The following ZMYM2 variants were observed in gnomAD, a reference collection of about 807,000 sequenced individuals.
ZMYM2 encodes zinc finger MYM-type protein 2.
In ZMYM2, 56 loss-of-function variants were observed where a neutral mutation model predicts 162.8. The ratio of observed to expected loss-of-function variants is 0.34; its 90% confidence interval spans 0.28 to 0.43. The LOEUF is 0.43. Ranked by LOEUF, ZMYM2 falls within the 20% of genes least tolerant of loss-of-function variation. The pLI, the probability that ZMYM2 is intolerant of heterozygous loss-of-function variation, is 1.00. For missense variants in ZMYM2, 1,275 were observed against 1,621.8 expected, an observed-to-expected ratio of 0.79 and a Z score of 3.67; for synonymous variants, 510 against 541.6, an observed-to-expected ratio of 0.94 and a Z score of 0.81.
At chr13:19,907,979 C>T in the ZMYM2 span, among the ~76,000 whole-genome samples, 1 of 151,990 alleles carries the variant, frequency 6.6e-6, no homozygotes, top group African/African-American at 2.4e-5. Flanking sequence ...GGACATTTTG[C>T]AGTATACTTT....
At chr13:19,941,917 A>G in the ZMYM2 span, among the ~76,000 whole-genome samples, 2 of 150,902 alleles carry the variant, frequency 1.3e-5, no homozygotes, top group Non-Finnish European at 3.0e-5. Flanking sequence ...TGGCTAATTT[A>G]TTTATTTTTT....
chr13:19,996,840 T>C (rs1176997316), intron 3 of ZMYM2, among the ~76,000 whole-genome samples: 1 of 152,186 alleles, frequency 6.6e-6, no homozygotes, highest in Non-Finnish European at 1.5e-5. Context: ...TGAGCTATGA[T>C]TGTGCCACTA....
chr13:20,083,011 T>A lies in ZMYM2; in HGVS notation c.3799T>A (p.Leu1267Met). 6.2e-7 allele frequency: 1 copy of A among 1,613,120 alleles called. No individual in the cohort carries two copies. Among genetic ancestry groups the A allele is most frequent in the Non-Finnish European group, 8.5e-7 (1 of 1,179,360 alleles). The change falls in exon 23 of 25, where the codon TTG becomes ATG. Residue 1267 changes from leucine to methionine, a missense_variant. This residue lies in a region of ZMYM2 where 103 missense variants were observed against 192.2 expected (regional missense o/e 0.54). Transcript: ENST00000610343. ...KACLRYQVSS[L>M]CGTDNEDKIT... ...GTGTCTTCGATACCAAGTGTCTTCC[T>A]TGTGTGGAACAGATAATGAAGGTAG...
Position 20,012,604 on chromosome 13 carries a change from G to A in ZMYM2, c.1512+6018G>A, listed in dbSNP as rs577930409. On this transcript the variant is annotated intron_variant, in intron 6 of 24. Coordinates refer to ENST00000610343, the MANE Select transcript of ZMYM2 (RefSeq NM_197968.4). ...ACAGTTTCCTCTAAGAGTTGTATGA[G>A]TTTAGCTCTTAATTAGGTATTTGAT... is the stretch of plus-strand genomic sequence containing the variant. Among the ~76,000 whole-genome samples the A allele has an allele frequency of 1.2e-3, 185 of 152,318 alleles. 1 individual carries two copies. Among genetic ancestry groups the A allele is most frequent in the South Asian group, 5.6e-3 (27 of 4,818 alleles).
At chr13:20,070,070 T>G (rs1956966267) in intron 21 of ZMYM2, among the ~76,000 whole-genome samples, 1 of 152,156 alleles carries the variant, frequency 6.6e-6, no homozygotes, top group Non-Finnish European at 1.5e-5. Context: ...TTTGCTTACT[T>G]AACTTTTTGT....
intron 13 of ZMYM2, among the ~76,000 whole-genome samples, chr13:20,052,034 T>G (rs1955404828): frequency 6.6e-6 from 1 of 152,092 alleles, no homozygotes; most frequent in African/African-American, 2.4e-5. Flanking sequence ...TAAGAATATA[T>G]AATAGTATTT....
intron 2 of ZMYM2, among the ~76,000 whole-genome samples, chr13:19,967,422 A>G (rs1955886748): frequency 2.0e-5 from 3 of 152,198 alleles, no homozygotes; most frequent in South Asian, 2.1e-4. Flanking sequence ...TCATTGTAGC[A>G]TGACATGAGT....
At chr13:19,992,675 T>A (rs1356163336) in intron 2 of ZMYM2, among the ~76,000 whole-genome samples, 2 of 149,904 alleles carry the variant, frequency 1.3e-5, no homozygotes, top group Non-Finnish European at 3.0e-5. Flanking sequence ...TGTCAGATTT[T>A]GATTTTTTTT....
chr13:19,991,367 A>G (rs555842836), intron 2 of ZMYM2, among the ~76,000 whole-genome samples: 1 of 151,810 alleles, frequency 6.6e-6, no homozygotes, highest in Non-Finnish European at 1.5e-5. Flanking sequence ...CAGTCCTCCC[A>G]CCTCAGCCTC....
At chr13:19,896,704 C>T in the ZMYM2 span, among the ~76,000 whole-genome samples, 3 of 141,714 alleles carry the variant, frequency 2.1e-5, no homozygotes, top group African/African-American at 8.0e-5. Context: ...TTGCAGTGAG[C>T]CAAGATTGTG....
intron 12 of ZMYM2, among the ~76,000 whole-genome samples, chr13:20,040,554 C>G (rs1954156512): frequency 6.6e-6 from 1 of 152,016 alleles, no homozygotes; most frequent in Non-Finnish European, 1.5e-5. Context: ...TAAAAAAACA[C>G]TCCTGGATTT....
Position 19,994,047 on chromosome 13 carries a change from TTTATC to T in ZMYM2, c.847+132_847+136del, listed in dbSNP as rs537415805. 5.2e-4 allele frequency: 595 copies of T among 1,147,716 alleles called. 3 individuals carry two copies. The African/African-American group carries it at 8.2e-3, about 16-fold the overall frequency. The allele number at this position is 1,147,716 out of a possible 1,614,324, so 71.1% of individuals were successfully genotyped here. A position where few individuals can be genotyped will look rare whatever the true frequency, so the allele number is the denominator to read the frequency against. On this transcript the variant is annotated intron_variant, in intron 3 of 24. Coordinates refer to ENST00000610343, the MANE Select transcript of ZMYM2 (RefSeq NM_197968.4). ...GTGAAATATGTGAATTATATTGAATTTTATCTTAAGTTTGGTATTTTAATAAGAAT... is the reference window on the plus strand; with the variant it reads ...GTGAAATATGTGAATTATATTGAATTTTAAGTTTGGTATTTTAATAAGAAT...
At chr13:19,974,705 C>G (rs897280797) in intron 2 of ZMYM2, among the ~76,000 whole-genome samples, 2 of 152,042 alleles carry the variant, frequency 1.3e-5, no homozygotes, top group Non-Finnish European at 2.9e-5. Context: ...CTCCTGACCT[C>G]GTGATCCACC....
At chr13:20,069,279 C>T (rs904008275) in intron 21 of ZMYM2, among the ~76,000 whole-genome samples, 1 of 152,104 alleles carries the variant, frequency 6.6e-6, no homozygotes. Flanking sequence ...AACCTTCCCC[C>T]ATTTTTCTCT....
At chr13:19,896,539 A>G in the ZMYM2 span, among the ~76,000 whole-genome samples, 1 of 149,086 alleles carries the variant, frequency 6.7e-6, no homozygotes, top group Non-Finnish European at 1.5e-5. Context: ...GGCAGATCAC[A>G]AGGTCAGGAG....
the ZMYM2 span, among the ~76,000 whole-genome samples, chr13:19,876,865 A>G: frequency 1.3e-5 from 2 of 152,154 alleles, no homozygotes; most frequent in African/African-American, 4.8e-5. Flanking sequence ...TGCTCAAGGT[A>G]CCTTATGTGT....
At chr13:19,917,174 G>A in the ZMYM2 span, among the ~76,000 whole-genome samples, 7 of 152,206 alleles carry the variant, frequency 4.6e-5, no homozygotes, top group East Asian at 7.8e-4. Context: ...GTGTTAGCCA[G>A]GATGGTCTCA....
upstream of ZMYM2, chr13:19,958,571 C>A (rs1954731029): frequency 6.6e-6 from 1 of 151,894 alleles, no homozygotes; most frequent in East Asian, 2.0e-4. Context: ...GACGGACAGC[C>A]CTTCGGACCA....
the ZMYM2 span, among the ~76,000 whole-genome samples, chr13:19,918,491 CTTTCTTTT>C: frequency 7.6e-6 from 1 of 132,256 alleles, no homozygotes; most frequent in Non-Finnish European, 1.6e-5. Context: ...CTTTTTCTTT[CTTTCTTTT>C]TTTTTTTTTT....
Sources: gnomAD v4.1 joint callset for allele counts (sites outside exome capture counted in the v4.1 genomes callset) on GRCh38, gnomAD v4.1.1 for gene constraint, gnomAD v4.1.1 regional missense constraint, MANE v1.5 for transcripts, NCBI Gene and HGNC (gene_info 2026-07-23, HGNC 2026-07-21) for gene names.